Variants in CYB5R4 observed in about 807,000 individuals in gnomAD.
CYB5R4 encodes the protein N-terminal cytochrome b5 and cytochrome b5 oxidoreductase domain-containing protein.
A neutral mutation model predicts 70.2 loss-of-function variants in CYB5R4; 55 were observed. The ratio of observed to expected loss-of-function variants is 0.78; its 90% CI spans 0.63 to 0.98. The LOEUF (loss-of-function observed/expected upper bound fraction) is 0.98. Ranked by LOEUF, CYB5R4 falls within the 50% of genes least tolerant of loss-of-function variation. CYB5R4 has a pLI of 0.00. For synonymous variants in CYB5R4, 197 were observed against 199.5 expected (o/e 0.99, Z 0.11); for missense variants, 562 against 612.6 (o/e 0.92, Z 0.87).
Position 83,936,335 on chromosome 6 carries a change from C to T in CYB5R4, c.1067C>T (p.Pro356Leu). 6.2e-7 allele frequency: 1 copy of T among 1,612,044 alleles called. No individual in the cohort carries two copies. The highest frequency in any genetic ancestry group is 1.1e-5 in the South Asian group (1 of 90,914). The change falls in exon 12 of 16, where the codon CCC becomes CTC. Residue 356 changes from proline (P) to leucine (L), a missense_variant. Physicochemically the swap from Pro to Leu is moderately conservative, Grantham distance 98. Coordinates refer to ENST00000369681, the MANE Select transcript of CYB5R4 (RefSeq NM_016230.4). The part of the protein sequence containing the change: ...KYIYFLIKIY[P>L]TGLFTPELDR... ...ATCTACTTTTTGATAAAAATCTATC[C>T]CACTGGACTCTTCACACCAGAGCTT...
At chr6:83,865,597 A>G (rs1261644382) in intron 2 of CYB5R4, among the ~76,000 whole-genome samples, 1 of 152,164 alleles carries the variant, frequency 6.6e-6, no homozygotes, top group Non-Finnish European at 1.5e-5. Context: ...CTGTTTTTAT[A>G]TGGACCCTAA....
At chr6:83,902,960 A>G (rs1217824335) in intron 3 of CYB5R4, among the ~76,000 whole-genome samples, 1 of 152,070 alleles carries the variant, frequency 6.6e-6, no homozygotes, top group East Asian at 1.9e-4. Context: ...ACAAAATAGT[A>G]TTTGTTAAAA....
rs1356402965 is a variant in CYB5R4, at chr6:83,874,817, A to AT, written c.229+10496dup. Reference sequence around the variant, plus strand: ...TTTTATATTTTTGTCTTTATTCTTTATTTTTTTATTTTTATTTTTTTTTTT... The same window carrying AT: ...TTTTATATTTTTGTCTTTATTCTTTATTTTTTTTATTTTTATTTTTTTTTTT... On this transcript the variant is annotated intron_variant, in intron 2 of 15. Transcript: ENST00000369681. Among the ~76,000 whole-genome samples the AT allele has an allele frequency of 4.7e-5, 7 of 149,504 alleles. 1 individual carries two copies. Among genetic ancestry groups the AT allele is most frequent in the South Asian group, 4.2e-4 (2 of 4,734 alleles).
At chr6:83,900,769 A>T (rs535178019) in intron 3 of CYB5R4, among the ~76,000 whole-genome samples, 1 of 152,100 alleles carries the variant, frequency 6.6e-6, no homozygotes, top group African/African-American at 2.4e-5. Flanking sequence ...AGTCTGTTTC[A>T]TCAGAGACTA....
chr6:83,947,712 A>G (rs1472584614), intron 14 of CYB5R4, among the ~76,000 whole-genome samples: 3 of 152,212 alleles, frequency 2.0e-5, no homozygotes, highest in Non-Finnish European at 4.4e-5. Flanking sequence ...AAAAAATCCC[A>G]TCAGAAAGTG....
At chr6:83,951,234 A>G (rs908342783) in intron 14 of CYB5R4, among the ~76,000 whole-genome samples, 4 of 152,196 alleles carry the variant, frequency 2.6e-5, no homozygotes, top group African/African-American at 7.2e-5. Flanking sequence ...AAATTGTTCA[A>G]TACCTCTCTA....
At chr6:83,938,980 A>G (rs1668172235) in intron 12 of CYB5R4, among the ~76,000 whole-genome samples, 1 of 151,908 alleles carries the variant, frequency 6.6e-6, no homozygotes, top group South Asian at 2.1e-4. Context: ...GATTACAGGC[A>G]TGTGCCACCA....
Position 83,921,125 on chromosome 6 carries a change from C to G in CYB5R4, c.608C>G (p.Ser203Cys), listed in dbSNP as rs1331864582. ...ATAATAGTTGATCATCAGAATGATT[C>G]CTTTAGAGCAGAAACAATTATTAAG... ...DSIIVDHQND[S>C]FRAETIIKDC... is the part of the protein sequence containing the mutation. Residue 203 changes from serine to cysteine, a missense_variant, in exon 8 of 16, where the codon TCC (serine) becomes TGC (cysteine). Coordinates refer to ENST00000369681, the MANE Select transcript of CYB5R4 (RefSeq NM_016230.4). 2.0e-6 allele frequency: 3 copies of G among 1,530,328 alleles called. No individual in the cohort carries two copies. The highest frequency in any genetic ancestry group is 2.4e-5 in the South Asian group (2 of 84,704). 94.8% of individuals were successfully genotyped at this position (1,530,328 alleles called of 1,614,324 possible).
At chr6:83,959,750 G>A (rs1351530856) in intron 15 of CYB5R4, 74 bp from the exon 16 acceptor site, 2 of 1,260,202 alleles carry the variant, frequency 1.6e-6, no homozygotes, top group Non-Finnish European at 2.2e-6. Flanking sequence ...CATGATTATG[G>A]TGGTAAACTG....
At chr6:83,935,433 G>A (rs997941228) in intron 11 of CYB5R4, among the ~76,000 whole-genome samples, 1 of 152,012 alleles carries the variant, frequency 6.6e-6, no homozygotes, top group Non-Finnish European at 1.5e-5. Context: ...ATCACTAATG[G>A]CTGGTTTTCT....
At chr6:83,933,099 G>C (rs2099468407) in intron 10 of CYB5R4, among the ~76,000 whole-genome samples, 1 of 152,142 alleles carries the variant, frequency 6.6e-6, no homozygotes, top group Non-Finnish European at 1.5e-5. Context: ...AAGAAATAAA[G>C]AGATCATTTG....
At chr6:83,940,272 A>G in intron 13 of CYB5R4, 66 bp downstream of exon 13, 1 of 1,417,576 alleles carries the variant, frequency 7.1e-7, no homozygotes, top group Non-Finnish European at 9.5e-7. Flanking sequence ...GGTATTCTAA[A>G]TTGATTACTC....
chr6:83,884,255 T>A (rs948310678), intron 2 of CYB5R4, among the ~76,000 whole-genome samples: 21 of 151,974 alleles, frequency 1.4e-4, no homozygotes, highest in African/African-American at 5.1e-4. Context: ...CATGTGTAGA[T>A]GTATGTATTA....
chr6:83,935,022 G>C (rs999714179), intron 11 of CYB5R4, among the ~76,000 whole-genome samples: 2 of 152,094 alleles, frequency 1.3e-5, no homozygotes, highest in Admixed American at 6.6e-5. Flanking sequence ...AAAGAGATGA[G>C]AGACTGCACA....
chr6:83,882,244 G>A lies in CYB5R4; in HGVS notation c.230-11278G>A, dbSNP rs991277521. On this transcript the variant is annotated intron_variant, in intron 2 of 15. Coordinates refer to ENST00000369681, the MANE Select transcript of CYB5R4 (RefSeq NM_016230.4). ...GTGCTGTGAAGGTGAAAACTCAGGT[G>A]GAGACTCAAAGTCTTACTGGCTTGA... Among the ~76,000 whole-genome samples the A allele has an allele frequency of 2.0e-5, 3 of 152,132 alleles. No homozygotes were observed. The East Asian group carries it at 5.8e-4, about 29-fold the overall frequency.
At chr6:83,931,755 AGTC>A (rs1292095580) in intron 10 of CYB5R4, among the ~76,000 whole-genome samples, 1 of 151,392 alleles carries the variant, frequency 6.6e-6, no homozygotes, top group Non-Finnish European at 1.5e-5. Context: ...AGGCTGAAGT[AGTC>A]AGTGCCATCT....
At chr6:83,911,442 G>C (rs920270713) in intron 4 of CYB5R4, among the ~76,000 whole-genome samples, 1 of 152,058 alleles carries the variant, frequency 6.6e-6, no homozygotes, top group African/African-American at 2.4e-5. Context: ...TTGTGAGTAA[G>C]ATCCCTGGCA....
At chr6:83,950,316 T>C (rs2099471329) in intron 14 of CYB5R4, among the ~76,000 whole-genome samples, 1 of 152,104 alleles carries the variant, frequency 6.6e-6, no homozygotes, top group African/African-American at 2.4e-5. Flanking sequence ...TTACGAAAAA[T>C]GAGACAAAAC....
intron 6 of CYB5R4, among the ~76,000 whole-genome samples, chr6:83,918,765 C>T (rs1441735385): frequency 6.6e-6 from 1 of 151,966 alleles, no homozygotes; most frequent in Non-Finnish European, 1.5e-5. Context: ...TCTTTTACCC[C>T]TTTTCTCTCT....
Sources: gnomAD v4.1 joint callset for allele counts (sites outside exome capture counted in the v4.1 genomes callset) on GRCh38, gnomAD v4.1.1 for gene constraint, MANE v1.5 for transcripts, NCBI Gene and HGNC (gene_info 2026-07-23, HGNC 2026-07-21) for gene names.